The following RANBP10 variants were observed in gnomAD, a reference collection of about 807,000 sequenced individuals.
RANBP10 encodes ran-binding protein 10.
RANBP10 carries 24 observed loss-of-function variants against 72.8 expected under a neutral mutation model. The ratio of observed to expected loss-of-function variants is 0.33; its 90% CI spans 0.24 to 0.46. The LOEUF (loss-of-function observed/expected upper bound fraction) is 0.46. Among genes scored for constraint, RANBP10 ranks in the 20% least tolerant of loss-of-function variants. The pLI, the probability that RANBP10 is intolerant of heterozygous loss-of-function variation, is 1.00. For missense variants in RANBP10, 679 were observed against 817.5 expected (o/e 0.83, Z 2.07); for synonymous variants, 310 against 322.3 (o/e 0.96, Z 0.41).
intron 2 of RANBP10, among the ~76,000 whole-genome samples, chr16:67,779,339 G>A (rs748875053): frequency 9.2e-5 from 14 of 151,598 alleles, no homozygotes; most frequent in Non-Finnish European, 1.9e-4. Context: ...GGAGGTTGCA[G>A]TGAGCCGAGA....
intron 2 of RANBP10, among the ~76,000 whole-genome samples, chr16:67,780,383 T>C (rs1222282218): frequency 1.3e-5 from 2 of 152,070 alleles, no homozygotes; most frequent in Non-Finnish European, 2.9e-5. Flanking sequence ...GATCTGGAAA[T>C]GGGCTGTGCA....
At chr16:67,790,088 T>G (rs1375420751) in intron 2 of RANBP10, among the ~76,000 whole-genome samples, 1 of 150,594 alleles carries the variant, frequency 6.6e-6, no homozygotes, top group Non-Finnish European at 1.5e-5. Context: ...AGAATGAGAC[T>G]CTGTCTCAAA....
chr16:67,786,915 A>T (rs1270494963), intron 2 of RANBP10, among the ~76,000 whole-genome samples: 1 of 151,406 alleles, frequency 6.6e-6, no homozygotes, highest in Non-Finnish European at 1.5e-5. Context: ...GGATAGAGCT[A>T]GACTCCATCT....
At chr16:67,787,444 G>A (rs1169343980) in intron 2 of RANBP10, among the ~76,000 whole-genome samples, 2 of 152,090 alleles carry the variant, frequency 1.3e-5, no homozygotes, top group African/African-American at 4.8e-5. Flanking sequence ...GATGTAAAAT[G>A]GTGCAGCCAC....
intron 3 of RANBP10, among the ~76,000 whole-genome samples, chr16:67,754,132 C>CAAA (rs67996811): frequency 1.5e-5 from 1 of 68,804 alleles, no homozygotes; most frequent in East Asian, 5.1e-4. Context: ...GAGTCCTTCT[C>CAAA]AAAAAAAAAA....
chr16:67,805,781 C>A (rs2055388186), intron 1 of RANBP10, among the ~76,000 whole-genome samples: 1 of 152,204 alleles, frequency 6.6e-6, no homozygotes, highest in Admixed American at 6.6e-5. Flanking sequence ...AGGGTAGAGG[C>A]AATGTGAGAG....
At chr16:67,737,671 C>A (rs1013223447) in intron 5 of RANBP10, among the ~76,000 whole-genome samples, 1 of 152,056 alleles carries the variant, frequency 6.6e-6, no homozygotes, top group Non-Finnish European at 1.5e-5. Flanking sequence ...GGAACAATTC[C>A]CTACACTCTG....
chr16:67,736,551 T>C (rs2053851849), intron 5 of RANBP10, among the ~76,000 whole-genome samples: 1 of 152,188 alleles, frequency 6.6e-6, no homozygotes, highest in Non-Finnish European at 1.5e-5. Context: ...AGAGGACCTC[T>C]CGCTTCCTTT....
At position 67,734,914 on chromosome 16, in the gene RANBP10, C is replaced by T. The variant is rs1396629805; in HGVS notation, c.720G>A (p.Thr240=). 21 of 1,613,138 alleles carry T rather than the reference C, an allele frequency of 1.3e-5. No homozygotes were observed. The highest frequency in any genetic ancestry group is 1.0e-4 in the Admixed American group (6 of 59,930). ...MREWRAKVQG[T]VHCFPISARL... is the part of the protein sequence containing the mutation. Reference sequence around the variant, plus strand: ...GGGCACTGATGGGGAAGCAGTGGACCGTGCCCTGGACCTTGGCACGCCACT... The same window carrying T: ...GGGCACTGATGGGGAAGCAGTGGACTGTGCCCTGGACCTTGGCACGCCACT... Residue 240 remains threonine (T), a synonymous_variant, in exon 6 of 14, where the codon ACG becomes ACA. Transcript: ENST00000317506.
intron 3 of RANBP10, among the ~76,000 whole-genome samples, chr16:67,766,141 T>G (rs1355986826): frequency 6.6e-6 from 1 of 152,188 alleles, no homozygotes; most frequent in Non-Finnish European, 1.5e-5. Context: ...AAGAGCCTCT[T>G]GGAAATCAGC....
chr16:67,737,302 G>T (rs2053871447), intron 5 of RANBP10, among the ~76,000 whole-genome samples: 1 of 150,512 alleles, frequency 6.6e-6, no homozygotes, highest in Non-Finnish European at 1.5e-5. Flanking sequence ...CCGGGTTCAG[G>T]CCATTCTCCT....
rs925644860 is a variant in RANBP10, at chr16:67,804,332, G to A, written c.347+1096C>T. On this transcript the variant is annotated intron_variant, in intron 2 of 13. Transcript: ENST00000317506. ...GACTGGGAGAAAGAAAAAAAATTAA[G>A]TATCTCCCCTATGATTTCCTGTGTC... Among the ~76,000 whole-genome samples the A allele has an allele frequency of 3.9e-5, 6 of 152,152 alleles. No individual in the cohort carries two copies. In the South Asian group the frequency reaches 8.3e-4, roughly 21 times the overall value.
At chr16:67,798,137 T>C (rs1454694149) in intron 2 of RANBP10, among the ~76,000 whole-genome samples, 1 of 152,028 alleles carries the variant, frequency 6.6e-6, no homozygotes, top group Non-Finnish European at 1.5e-5. Context: ...ATGTGTTACC[T>C]GAGTAGAAGT....
At chr16:67,752,713 C>A (rs1172103971) in intron 3 of RANBP10, among the ~76,000 whole-genome samples, 1 of 151,848 alleles carries the variant, frequency 6.6e-6, no homozygotes, top group East Asian at 1.9e-4. Context: ...ATGTTGCATA[C>A]CTCATTTAGT....
At chr16:67,764,090 T>C (rs532353479) in intron 3 of RANBP10, among the ~76,000 whole-genome samples, 42 of 152,270 alleles carry the variant, frequency 2.8e-4, no homozygotes, top group Admixed American at 2.5e-3. Flanking sequence ...ATGCAGATTA[T>C]CCTCTATATT....
intron 3 of RANBP10, among the ~76,000 whole-genome samples, chr16:67,754,905 C>G (rs1309247569): frequency 3.9e-5 from 6 of 152,162 alleles, no homozygotes; most frequent in Non-Finnish European, 7.4e-5. Context: ...CCCTGGATGT[C>G]TACTTGTAGG....
chr16:67,806,204 C>T, intron 1 of RANBP10, 98 bp downstream of exon 1: 1 of 1,206,650 alleles, frequency 8.3e-7, no homozygotes, highest in Non-Finnish European at 1.2e-6. Context: ...CTTGGAGCAC[C>T]TAGGCAGGGA....
At chr16:67,758,958 C>T (rs922885156) in intron 3 of RANBP10, among the ~76,000 whole-genome samples, 6 of 152,258 alleles carry the variant, frequency 3.9e-5, no homozygotes, top group Admixed American at 6.5e-5. Flanking sequence ...AAAAGGAACA[C>T]GCACTTGCTG....
At chr16:67,770,711 GC>G (rs1404395730) in intron 3 of RANBP10, among the ~76,000 whole-genome samples, 1 of 152,198 alleles carries the variant, frequency 6.6e-6, no homozygotes, top group Admixed American at 6.5e-5. Flanking sequence ...CCCAGTTGCA[GC>G]CAGTCCAGGT....
Sources: gnomAD v4.1 joint callset for allele counts (sites outside exome capture counted in the v4.1 genomes callset) on GRCh38, gnomAD v4.1.1 for gene constraint, MANE v1.5 for transcripts, NCBI Gene and HGNC (gene_info 2026-07-23, HGNC 2026-07-21) for gene names.